Variants in SNX27 observed in about 807,000 individuals in gnomAD.
The protein encoded by SNX27 is sorting nexin 27, also known as sorting nexin-27.
SNX27 carries 22 observed loss-of-function variants against 71.6 expected under a neutral mutation model. The ratio of observed to expected loss-of-function variants is 0.31; its 90% CI spans 0.22 to 0.44. The LOEUF is 0.44. Ranked by LOEUF, SNX27 falls within the 20% of genes least tolerant of loss-of-function variation. SNX27 has a pLI of 1.00. For synonymous variants in SNX27, 269 were observed against 277.2 expected, an observed-to-expected ratio of 0.97 and a Z score of 0.29; for missense variants, 531 against 698.6, an observed-to-expected ratio of 0.76 and a Z score of 2.70.
At chr1:151,633,026 T>C (rs1668311944) in intron 1 of SNX27, among the ~76,000 whole-genome samples, 1 of 151,850 alleles carries the variant, frequency 6.6e-6, no homozygotes, top group South Asian at 2.1e-4. Context: ...CGCCCGCCAC[T>C]ACGCCTGGCT....
At chr1:151,655,890 A>C (rs530863630) in intron 2 of SNX27, among the ~76,000 whole-genome samples, 1 of 152,316 alleles carries the variant, frequency 6.6e-6, no homozygotes, top group African/African-American at 2.4e-5. Flanking sequence ...TAGAGGAATA[A>C]GTTCCAGATG....
At position 151,612,075 on chromosome 1, in the gene SNX27, G is replaced by C. The variant is rs1279369641; in HGVS notation, c.-127G>C. ...ACCCCGCGCCAGCAGCTCGGTGGCC[G>C]AGTCGGTCCCGCGGCCGGCGGATCG... On this transcript the variant is annotated 5_prime_UTR_variant, in exon 1 of 12. Transcript: ENST00000458013. This position sits in a 1 kb window ranked among gnomAD's most constrained non-coding sequence, Gnocchi z 5.2. The C allele has an allele frequency of 2.8e-6, 3 of 1,083,918 alleles. No individual in the cohort carries two copies. The highest frequency in any genetic ancestry group is 4.2e-5 in the Admixed American group (1 of 23,556). The allele number at this position is 1,083,918 out of a possible 1,614,324, so 67.1% of individuals were successfully genotyped here.
chr1:151,673,507 G>GT (rs1670535835), intron 7 of SNX27, among the ~76,000 whole-genome samples: 2 of 152,138 alleles, frequency 1.3e-5, no homozygotes, highest in Admixed American at 1.3e-4. Context: ...TGCAGTCATT[G>GT]GATGAAGTGT....
At chr1:151,619,650 T>A (rs1335495746) in intron 1 of SNX27, among the ~76,000 whole-genome samples, 3 of 152,138 alleles carry the variant, frequency 2.0e-5, no homozygotes, top group African/African-American at 4.8e-5. Context: ...TTTGTTCTGT[T>A]TTTTTGAGTG....
In SNX27 at chr1:151,642,380, GA is replaced by G. The variant is rs993059806; in HGVS notation, c.543+3272del. Among the ~76,000 whole-genome samples, 383 of 133,824 alleles carry G rather than the reference GA, an allele frequency of 2.9e-3. 7 individuals are homozygous for G. The highest frequency in any genetic ancestry group is 9.8e-4 in the African/African-American group (36 of 36,708). 87.8% of individuals were successfully genotyped at this position (133,824 alleles called of 152,430 possible). A position where few individuals can be genotyped will look rare whatever the true frequency, so the allele number is the denominator to read the frequency against. ...CCAGCCTGGGCAACATCTCAAAAAA[GA>G]AAAAAAAAAAGGGACTTAGATGTTT... On this transcript the variant is annotated intron_variant, in intron 2 of 11. Transcript: ENST00000458013.
rs1248218729 is a variant in SNX27 at position 151,680,261 on chromosome 1, A to T, written c.1150-3095A>T. 6.0e-5 allele frequency: 9 copies of T among 149,504 alleles called. No individual in the cohort carries two copies. In the Admixed American group the frequency reaches 6.1e-4, roughly 10 times the overall value. 9.3% of individuals were successfully genotyped at this position (149,504 alleles called of 1,614,324 possible). ...AACCTCCGTCTTCCGGGTTCAAGTG[A>T]TTCTCTTACCTCAGACTCCCGAGTT... On this transcript the variant is annotated intron_variant, in intron 7 of 11. Transcript: ENST00000458013.
chr1:151,681,572 A>G (rs1324095891), intron 7 of SNX27, among the ~76,000 whole-genome samples: 2 of 152,082 alleles, frequency 1.3e-5, no homozygotes, highest in African/African-American at 2.4e-5. Flanking sequence ...TCATTTGCCT[A>G]TCCAACTATC....
chr1:151,639,382 G>A (rs1165485661), intron 2 of SNX27, among the ~76,000 whole-genome samples: 2 of 152,090 alleles, frequency 1.3e-5, no homozygotes, highest in Non-Finnish European at 2.9e-5. Flanking sequence ...CTGGTTTGTC[G>A]TAAACGTGTG....
chr1:151,667,813 C>G (rs1036018940), intron 6 of SNX27, among the ~76,000 whole-genome samples: 1 of 110,464 alleles, frequency 9.1e-6, no homozygotes, highest in African/African-American at 3.6e-5. Flanking sequence ...GGCGACAGAG[C>G]GAGACTCCGT....
chr1:151,667,749 C>T (rs1204872512), intron 6 of SNX27, among the ~76,000 whole-genome samples: 1 of 144,992 alleles, frequency 6.9e-6, no homozygotes, highest in African/African-American at 2.6e-5. Flanking sequence ...ATGGCGTGAA[C>T]CTGGGAGGCG....
At chr1:151,651,345 C>G (rs1292864685) in intron 2 of SNX27, among the ~76,000 whole-genome samples, 3 of 150,382 alleles carry the variant, frequency 2.0e-5, no homozygotes, top group Middle Eastern at 3.3e-3. Context: ...CCCCCCACCT[C>G]CCTCCCGGAT....
chr1:151,657,820 G>T (rs1669766280), intron 2 of SNX27, among the ~76,000 whole-genome samples: 1 of 152,046 alleles, frequency 6.6e-6, no homozygotes, highest in African/African-American at 2.4e-5. Flanking sequence ...GGCCAACATG[G>T]TGAAACCCCT....
At chr1:151,670,701 T>C (rs1294366631) in intron 7 of SNX27, among the ~76,000 whole-genome samples, 1 of 152,168 alleles carries the variant, frequency 6.6e-6, no homozygotes, top group Non-Finnish European at 1.5e-5. Flanking sequence ...GTCAGATGAG[T>C]AGTTTGCAAA....
intron 1 of SNX27, among the ~76,000 whole-genome samples, chr1:151,631,746 C>T (rs751144003): frequency 4.2e-4 from 64 of 151,464 alleles, no homozygotes; most frequent in South Asian, 4.2e-4. Context: ...AGTGCGGTGG[C>T]GCAATCTCAG....
chr1:151,690,225 T>A (rs1671373102), intron 8 of SNX27, among the ~76,000 whole-genome samples: 2 of 152,224 alleles, frequency 1.3e-5, no homozygotes. Context: ...CCAGCTTCGA[T>A]AGCCTTCGAC....
chr1:151,624,614 T>C (rs1369113145), intron 1 of SNX27, among the ~76,000 whole-genome samples: 1 of 151,148 alleles, frequency 6.6e-6, no homozygotes, highest in Non-Finnish European at 1.5e-5. Flanking sequence ...GTATTTTTAA[T>C]AGAGATGGGG....
In SNX27 at chr1:151,621,912, AGTTTT is replaced by A. The variant is rs1667695088; in HGVS notation, c.311+9404_311+9408del. Among the ~76,000 whole-genome samples, 4 of 152,222 alleles carry A rather than the reference AGTTTT, an allele frequency of 2.6e-5. No homozygotes were observed. In the South Asian group the frequency reaches 6.2e-4, roughly 24 times the overall value. On this transcript the variant is annotated intron_variant, in intron 1 of 11. Transcript: ENST00000458013. Reference sequence around the variant, plus strand: ...CTGTCTTTACTTGGAAACAGCAATGAGTTTTGTTCTCTCTACCTGAGGTTTTGTAT... The same window carrying A: ...CTGTCTTTACTTGGAAACAGCAATGAGTTCTCTCTACCTGAGGTTTTGTAT...
At chr1:151,617,766 C>T (rs1257118777) in intron 1 of SNX27, among the ~76,000 whole-genome samples, 2 of 151,890 alleles carry the variant, frequency 1.3e-5, no homozygotes, top group African/African-American at 4.8e-5. Flanking sequence ...GAGTATTATC[C>T]CTATTTTATA....
At chr1:151,618,847 C>G (rs1402692655) in intron 1 of SNX27, among the ~76,000 whole-genome samples, 3 of 152,138 alleles carry the variant, frequency 2.0e-5, no homozygotes, top group African/African-American at 7.2e-5. Flanking sequence ...CTCAGCTATA[C>G]AGATGTTTTC....
Sources: gnomAD v4.1 joint callset for allele counts (sites outside exome capture counted in the v4.1 genomes callset) on GRCh38, gnomAD v4.1.1 for gene constraint, Gnocchi (gnomAD v3.1) non-coding constraint, MANE v1.5 for transcripts, NCBI Gene and HGNC (gene_info 2026-07-23, HGNC 2026-07-21) for gene names.